SLC24A3: variants seen among roughly 807,000 people sequenced by gnomAD.
The protein encoded by SLC24A3 is solute carrier family 24 member 3.
In SLC24A3, 28 loss-of-function variants were observed where a neutral mutation model predicts 75.8. The observed-to-expected ratio is 0.37, with a 90% CI of 0.27 to 0.51. The LOEUF (loss-of-function observed/expected upper bound fraction) is 0.51, where lower values mean the gene tolerates loss of function less well. Among genes scored for constraint, SLC24A3 ranks in the 20% least tolerant of loss-of-function variants. The pLI is 0.94. For synonymous variants in SLC24A3, 372 were observed against 334.1 expected (o/e 1.11, Z -1.24); for missense variants, 663 against 847.8 (o/e 0.78, Z 2.71).
chr20:19,373,165 A>G (rs534132118), intron 2 of SLC24A3, among the ~76,000 whole-genome samples: 2 of 152,064 alleles, frequency 1.3e-5, no homozygotes, highest in East Asian at 1.9e-4. Context: ...GTCTATTCAC[A>G]CCGAAGCTTT....
intron 1 of SLC24A3, among the ~76,000 whole-genome samples, chr20:19,272,774 G>C (rs561451199): frequency 1.3e-5 from 2 of 152,234 alleles, no homozygotes; most frequent in African/African-American, 4.8e-5. Flanking sequence ...TAGCTCTAAT[G>C]AAGTGCTGGG....
At chr20:19,435,381 A>G (rs1444772946) in intron 2 of SLC24A3, among the ~76,000 whole-genome samples, 1 of 152,254 alleles carries the variant, frequency 6.6e-6, no homozygotes, top group Non-Finnish European at 1.5e-5. Flanking sequence ...CAAACAACAT[A>G]GAAAAGGATT....
intron 2 of SLC24A3, among the ~76,000 whole-genome samples, chr20:19,299,543 T>C (rs973653462): frequency 2.0e-5 from 3 of 152,092 alleles, no homozygotes; most frequent in Non-Finnish European, 4.4e-5. Flanking sequence ...TACAAGAAAA[T>C]AGAGGCTTTA....
intron 1 of SLC24A3, among the ~76,000 whole-genome samples, chr20:19,219,462 A>C (rs1238269999): frequency 6.6e-6 from 1 of 152,188 alleles, no homozygotes; most frequent in Non-Finnish European, 1.5e-5. Flanking sequence ...CGTGATGTTC[A>C]TCCTCGTGGT....
chr20:19,672,008 G>A (rs934174275), intron 8 of SLC24A3, among the ~76,000 whole-genome samples: 1 of 152,104 alleles, frequency 6.6e-6, no homozygotes, highest in Non-Finnish European at 1.5e-5. Flanking sequence ...ATGAAGCGGG[G>A]CAGATGATCT....
chr20:19,318,380 G>A (rs974125109), intron 2 of SLC24A3, among the ~76,000 whole-genome samples: 1 of 152,168 alleles, frequency 6.6e-6, no homozygotes. Flanking sequence ...GAAGTAATTA[G>A]CCATGATGAG....
At chr20:19,252,542 CAG>C (rs1469119828) in intron 1 of SLC24A3, among the ~76,000 whole-genome samples, 2 of 151,500 alleles carry the variant, frequency 1.3e-5, no homozygotes, top group African/African-American at 4.9e-5. Flanking sequence ...AGCTAGCTGA[CAG>C]AGGGGTTGTT....
intron 2 of SLC24A3, among the ~76,000 whole-genome samples, chr20:19,472,547 C>T (rs774333568): frequency 1.3e-5 from 2 of 152,200 alleles, no homozygotes; most frequent in Non-Finnish European, 2.9e-5. Flanking sequence ...TACTTCCCTC[C>T]TCCAGCCATG....
At chr20:19,408,335 C>T (rs1343208340) in intron 2 of SLC24A3, among the ~76,000 whole-genome samples, 3 of 151,628 alleles carry the variant, frequency 2.0e-5, no homozygotes, top group Admixed American at 6.6e-5. Flanking sequence ...GAGATTAACC[C>T]GTATAATAAT....
intron 15 of SLC24A3, among the ~76,000 whole-genome samples, chr20:19,707,074 G>A (rs2032939222): frequency 6.6e-6 from 1 of 152,134 alleles, no homozygotes; most frequent in Non-Finnish European, 1.5e-5. Context: ...TCTCAAAGAA[G>A]ACACATCATG....
At chr20:19,568,326 T>C (rs1420640249) in intron 3 of SLC24A3, among the ~76,000 whole-genome samples, 1 of 152,200 alleles carries the variant, frequency 6.6e-6, no homozygotes, top group Non-Finnish European at 1.5e-5. Flanking sequence ...CAAAGAATAT[T>C]GCATCATTCA....
intron 1 of SLC24A3, among the ~76,000 whole-genome samples, chr20:19,250,515 G>A (rs1982621285): frequency 6.6e-6 from 1 of 152,146 alleles, no homozygotes; most frequent in Non-Finnish European, 1.5e-5. Flanking sequence ...TAATTGACCT[G>A]AGAATTACCA....
chr20:19,261,044 A>G (rs1158277160), intron 1 of SLC24A3, among the ~76,000 whole-genome samples: 1 of 152,176 alleles, frequency 6.6e-6, no homozygotes, highest in Non-Finnish European at 1.5e-5. Flanking sequence ...GCCCCTCCTC[A>G]TGAGGCTCAA....
intron 2 of SLC24A3, among the ~76,000 whole-genome samples, chr20:19,484,583 G>C (rs543946328): frequency 2.0e-5 from 3 of 152,132 alleles, no homozygotes; most frequent in Admixed American, 6.5e-5. Flanking sequence ...GAAATAAACC[G>C]GTCACAAAAA....
At chr20:19,266,787 C>T (rs1210027240) in intron 1 of SLC24A3, among the ~76,000 whole-genome samples, 3 of 152,164 alleles carry the variant, frequency 2.0e-5, no homozygotes, top group African/African-American at 7.2e-5. Context: ...GGCATATGTA[C>T]AGCTGGAATG....
intron 2 of SLC24A3, among the ~76,000 whole-genome samples, chr20:19,441,616 T>G (rs1314067764): frequency 6.6e-6 from 1 of 152,222 alleles, no homozygotes; most frequent in African/African-American, 2.4e-5. Flanking sequence ...CCGTTTTCCC[T>G]GTTAACATCT....
chr20:19,314,943 A>G (rs1210445741), intron 2 of SLC24A3, among the ~76,000 whole-genome samples: 2 of 152,196 alleles, frequency 1.3e-5, no homozygotes, highest in African/African-American at 4.8e-5. Context: ...GTCATCTGAC[A>G]TCATTAACTG....
chr20:19,504,251 G>A (rs918870388), intron 2 of SLC24A3, among the ~76,000 whole-genome samples: 1 of 152,086 alleles, frequency 6.6e-6, no homozygotes, highest in Non-Finnish European at 1.5e-5. Context: ...AAACTTTTGT[G>A]CTTTTCATGA....
chr20:19,637,592 G>A (rs1423798460), intron 6 of SLC24A3, among the ~76,000 whole-genome samples: 1 of 152,186 alleles, frequency 6.6e-6, no homozygotes, highest in Non-Finnish European at 1.5e-5. Flanking sequence ...CGTACTGGTA[G>A]TAATAATATA....
Sources: gnomAD v4.1 joint callset for allele counts (sites outside exome capture counted in the v4.1 genomes callset) on GRCh38, gnomAD v4.1.1 for gene constraint, MANE v1.5 for transcripts, NCBI Gene and HGNC (gene_info 2026-07-23, HGNC 2026-07-21) for gene names.